Variants in DSCAML1 observed in about 807,000 individuals in gnomAD.
DSCAML1 encodes the protein cell adhesion molecule DSCAML1.
A neutral mutation model predicts 200.5 loss-of-function variants in DSCAML1; 38 were observed. The observed-to-expected ratio is 0.19, with a 90% CI of 0.15 to 0.25. The LOEUF (loss-of-function observed/expected upper bound fraction) is 0.25, where lower values mean the gene tolerates loss of function less well. Among genes scored for constraint, DSCAML1 ranks in the 10% least tolerant of loss-of-function variants. The pLI is 1.00. For synonymous variants in DSCAML1, 1,215 were observed against 1,165.0 expected, an observed-to-expected ratio of 1.04 and a Z score of -0.87; for missense variants, 2,223 against 2,858.8, an observed-to-expected ratio of 0.78 and a Z score of 5.07.
chr11:117,464,833 C>T (rs2048548105), intron 17 of DSCAML1, 109 bp downstream of exon 17: 1 of 1,520,836 alleles, frequency 6.6e-7, no homozygotes, highest in Non-Finnish European at 8.8e-7. Flanking sequence ...GACCACAGGA[C>T]CAAAATGGGG....
intron 1 of DSCAML1, among the ~76,000 whole-genome samples, chr11:117,782,688 G>T (rs1200867273): frequency 1.3e-5 from 2 of 152,150 alleles, no homozygotes; most frequent in Non-Finnish European, 2.9e-5. Context: ...CCACTTCCAA[G>T]ACTCTTCTCA....
At chr11:117,750,627 G>T (rs556369290) in intron 3 of DSCAML1, among the ~76,000 whole-genome samples, 10 of 152,336 alleles carry the variant, frequency 6.6e-5, no homozygotes, top group African/African-American at 2.4e-4. Context: ...ATAAGAAACA[G>T]AGTGTAGGCC....
chr11:117,609,932 G>A (rs1452178929), intron 3 of DSCAML1, among the ~76,000 whole-genome samples: 1 of 152,130 alleles, frequency 6.6e-6, no homozygotes, highest in East Asian at 1.9e-4. Context: ...GAGAGGGTCT[G>A]CAGAACTGGC....
intron 3 of DSCAML1, among the ~76,000 whole-genome samples, chr11:117,704,398 C>A (rs1437432732): frequency 6.6e-6 from 1 of 152,132 alleles, no homozygotes; most frequent in Non-Finnish European, 1.5e-5. Flanking sequence ...CCTGGCTGCA[C>A]CCCACATTTA....
Position 117,433,434 on chromosome 11 carries a change from T to C in DSCAML1, c.4907+7A>G. On this transcript the variant is annotated splice_region_variant and intron_variant, in intron 28 of 32. Coordinates refer to ENST00000651296, the MANE Select transcript of DSCAML1 (RefSeq NM_020693.4). ...GAGGAGAAAGGAAGCAGCTTGGTGATACCCACCTTATCAACATTTCTGCCA... is the reference window on the plus strand; with the variant it reads ...GAGGAGAAAGGAAGCAGCTTGGTGACACCCACCTTATCAACATTTCTGCCA... 1.9e-6 allele frequency: 3 copies of C among 1,613,358 alleles called. No individual in the cohort carries two copies. The highest frequency in any genetic ancestry group is 1.7e-6 in the Non-Finnish European group (2 of 1,179,892).
intron 3 of DSCAML1, among the ~76,000 whole-genome samples, chr11:117,543,803 T>TA (rs2050318227): frequency 9.3e-6 from 1 of 107,026 alleles, no homozygotes; most frequent in African/African-American, 3.5e-5. Context: ...ATAGGGCAGT[T>TA]TTTTTTTTGT....
At chr11:117,532,901 G>C (rs2050107247) in intron 3 of DSCAML1, among the ~76,000 whole-genome samples, 1 of 152,026 alleles carries the variant, frequency 6.6e-6, no homozygotes. Flanking sequence ...GAGGCAGGAG[G>C]ATCACTTGAG....
chr11:117,694,057 TTATATA>T (rs35313833), intron 3 of DSCAML1, among the ~76,000 whole-genome samples: 1 of 116,636 alleles, frequency 8.6e-6, no homozygotes, highest in Non-Finnish European at 1.8e-5. Context: ...GGTTCTATCT[TTATATA>T]TATATATATA....
At chr11:117,611,690 C>G (rs1166311640) in intron 3 of DSCAML1, 1 of 152,232 alleles carries the variant, frequency 6.6e-6, no homozygotes, top group African/African-American at 2.4e-5. Context: ...AAACTCCTTT[C>G]TCTTCTCTCT....
chr11:117,444,648 T>C (rs539063559), intron 20 of DSCAML1, among the ~76,000 whole-genome samples: 20 of 152,306 alleles, frequency 1.3e-4, no homozygotes, highest in African/African-American at 4.3e-4. Context: ...TATTTGTAGG[T>C]TATACAAATC....
At chr11:117,810,033 TCA>T (rs1335813175) in intron 1 of DSCAML1, among the ~76,000 whole-genome samples, 3 of 151,280 alleles carry the variant, frequency 2.0e-5, no homozygotes, top group African/African-American at 4.9e-5. Context: ...TCAAATATTT[TCA>T]CACACATTCA....
chr11:117,689,259 T>A (rs552667818), intron 3 of DSCAML1, among the ~76,000 whole-genome samples: 19 of 152,364 alleles, frequency 1.2e-4, no homozygotes, highest in African/African-American at 4.6e-4. Context: ...GTTTGCGTGT[T>A]GCTTTTATGT....
intron 30 of DSCAML1, 123 bp downstream of exon 30, chr11:117,432,229 A>G: frequency 8.4e-7 from 1 of 1,187,898 alleles, no homozygotes; most frequent in South Asian, 1.7e-5. Flanking sequence ...AGTGCTTTCC[A>G]TTTTTGCATT....
chr11:117,647,640 C>T (rs2052543922), intron 3 of DSCAML1, among the ~76,000 whole-genome samples: 2 of 151,980 alleles, frequency 1.3e-5, no homozygotes, highest in African/African-American at 4.8e-5. Context: ...TGAAAGAAGG[C>T]AGGAGACAAA....
At chr11:117,607,502 C>A (rs1029648255) in intron 3 of DSCAML1, among the ~76,000 whole-genome samples, 1 of 152,190 alleles carries the variant, frequency 6.6e-6, no homozygotes, top group African/African-American at 2.4e-5. Context: ...GAGAATTCAA[C>A]TCAGATGGTT....
chr11:117,754,080 CAG>C (rs1346147894), intron 3 of DSCAML1, among the ~76,000 whole-genome samples: 2 of 152,110 alleles, frequency 1.3e-5, no homozygotes, highest in Admixed American at 1.3e-4. Context: ...TTAAGAGGAG[CAG>C]AGATTCCCGA....
At chr11:117,706,410 G>C (rs1282592635) in intron 3 of DSCAML1, among the ~76,000 whole-genome samples, 1 of 152,174 alleles carries the variant, frequency 6.6e-6, no homozygotes, top group Non-Finnish European at 1.5e-5. Context: ...ATGACTCGGT[G>C]CCGGTCTATT....
At chr11:117,481,393 C>T in intron 12 of DSCAML1, 123 bp from the exon 13 acceptor site, 1 of 896,782 alleles carries the variant, frequency 1.1e-6, no homozygotes, top group Non-Finnish European at 1.8e-6. Flanking sequence ...GGGGGACCCA[C>T]AGGGGCTTTG....
At chr11:117,708,113 G>C (rs747480882) in intron 3 of DSCAML1, among the ~76,000 whole-genome samples, 1 of 152,096 alleles carries the variant, frequency 6.6e-6, no homozygotes, top group South Asian at 2.1e-4. Flanking sequence ...TATACTTCCT[G>C]TACCCCCCAC....
Sources: gnomAD v4.1 joint callset for allele counts (sites outside exome capture counted in the v4.1 genomes callset) on GRCh38, gnomAD v4.1.1 for gene constraint, MANE v1.5 for transcripts, NCBI Gene and HGNC (gene_info 2026-07-23, HGNC 2026-07-21) for gene names.